VAT1L: variants seen among roughly 807,000 people sequenced by gnomAD.
VAT1L encodes putative NADPH-dependent quinone oxidoreductase VAT1L.
A neutral mutation model predicts 44.1 loss-of-function variants in VAT1L; 34 were observed. The ratio of observed to expected loss-of-function variants is 0.77; its 90% CI spans 0.59 to 1.03. VAT1L has a LOEUF of 1.03. VAT1L is among the 50% of genes least tolerant of loss of function. VAT1L has a pLI of 0.00. For synonymous variants in VAT1L, 253 were observed against 202.2 expected, an observed-to-expected ratio of 1.25 and a Z score of -2.13; for missense variants, 615 against 538.8, an observed-to-expected ratio of 1.14 and a Z score of -1.40.
At position 77,979,985 on chromosome 16, in the gene VAT1L, A is replaced by T. The variant is rs9711; in HGVS notation, c.*2290A>T. ...GGCTTCTCTGTAATTTAAGCTTGAT[A>T]GAAGTGAACTGAAACATTGTCTAAT... On this transcript the variant is annotated 3_prime_UTR_variant, in exon 9 of 9. Transcript: ENST00000302536. The T allele has an allele frequency of 0.78, 119,099 of 152,624 alleles. 46,983 individuals are homozygous for T. The highest frequency in any genetic ancestry group is 0.84 in the Non-Finnish European group (57,049 of 68,020). 9.5% of individuals were successfully genotyped at this position (152,624 alleles called of 1,614,324 possible).
chr16:77,825,870 A>AAAG (rs2016514480), intron 3 of VAT1L, among the ~76,000 whole-genome samples: 1 of 149,770 alleles, frequency 6.7e-6, no homozygotes, highest in Admixed American at 6.7e-5. Context: ...AAAAAAAAAA[A>AAAG]AAATTAGCCG....
intron 7 of VAT1L, among the ~76,000 whole-genome samples, chr16:77,933,119 T>C (rs773255382): frequency 2.0e-5 from 3 of 152,220 alleles, no homozygotes; most frequent in Non-Finnish European, 4.4e-5. Flanking sequence ...AAGTTCTTAG[T>C]CATTCCAGTG....
chr16:77,789,727 C>G (rs1247374189), intron 1 of VAT1L, among the ~76,000 whole-genome samples: 1 of 152,166 alleles, frequency 6.6e-6, no homozygotes, highest in Non-Finnish European at 1.5e-5. Flanking sequence ...CCCGGAATTC[C>G]TGGTCCCATC....
At chr16:77,926,503 G>C (rs2017670785) in intron 7 of VAT1L, among the ~76,000 whole-genome samples, 2 of 152,068 alleles carry the variant, frequency 1.3e-5, no homozygotes, top group South Asian at 4.2e-4. Context: ...AGAATCGCTT[G>C]AACCTGGGAG....
At chr16:77,929,302 T>C (rs747096864) in intron 7 of VAT1L, among the ~76,000 whole-genome samples, 7 of 152,120 alleles carry the variant, frequency 4.6e-5, no homozygotes, top group Non-Finnish European at 1.0e-4. Context: ...GCAGGGATCA[T>C]TAGTGAAAGA....
chr16:77,862,412 C>T (rs1196369635), intron 3 of VAT1L, among the ~76,000 whole-genome samples: 2 of 151,842 alleles, frequency 1.3e-5, no homozygotes, highest in Admixed American at 6.6e-5. Flanking sequence ...CTCAGGAGTT[C>T]GAGACCAGCC....
chr16:77,810,443 G>C (rs971601672), intron 1 of VAT1L, among the ~76,000 whole-genome samples: 1 of 152,142 alleles, frequency 6.6e-6, no homozygotes, highest in African/African-American at 2.4e-5. Context: ...TGGTAATGGA[G>C]TATAAGGATT....
chr16:77,872,419 A>G lies in VAT1L; in HGVS notation c.723-3951A>G, dbSNP rs185422280. Among the ~76,000 whole-genome samples the G allele has an allele frequency of 2.4e-4, 37 of 152,158 alleles. No individual in the cohort carries two copies. The East Asian group carries it at 6.8e-3, about 28-fold the overall frequency. Reference sequence around the variant, plus strand: ...GTGCCTTCCCTTTGTCACCTGGCCAATTTCTGCTCTGAAAACAGACCTGGG... The same window carrying G: ...GTGCCTTCCCTTTGTCACCTGGCCAGTTTCTGCTCTGAAAACAGACCTGGG... On this transcript the variant is annotated intron_variant, in intron 4 of 8. Transcript: ENST00000302536.
At chr16:77,937,303 G>T (rs1054360651) in intron 7 of VAT1L, among the ~76,000 whole-genome samples, 13 of 152,218 alleles carry the variant, frequency 8.5e-5, no homozygotes, top group African/African-American at 3.1e-4. Flanking sequence ...AAGATGGGCG[G>T]GTGGCCAGAG....
At chr16:77,894,153 C>T (rs140923230) in intron 7 of VAT1L, among the ~76,000 whole-genome samples, 8 of 152,310 alleles carry the variant, frequency 5.3e-5, no homozygotes, top group African/African-American at 1.9e-4. Context: ...GACCAGAACC[C>T]TACAACCCCC....
At chr16:77,930,153 A>T (rs2142501437) in intron 7 of VAT1L, among the ~76,000 whole-genome samples, 1 of 152,034 alleles carries the variant, frequency 6.6e-6, no homozygotes, top group East Asian at 1.9e-4. Context: ...CCCATATTCC[A>T]TGTCTTCCTT....
intron 3 of VAT1L, among the ~76,000 whole-genome samples, chr16:77,848,743 AC>A (rs1467451968): frequency 1.3e-5 from 2 of 152,124 alleles, no homozygotes; most frequent in Non-Finnish European, 2.9e-5. Flanking sequence ...CCCAGAACCT[AC>A]CCAGTATAGG....
At chr16:77,956,191 T>C (rs2142529431) in intron 7 of VAT1L, among the ~76,000 whole-genome samples, 1 of 152,294 alleles carries the variant, frequency 6.6e-6, no homozygotes, top group African/African-American at 2.4e-5. Context: ...ATGTACCCCA[T>C]AAATATACAT....
chr16:77,799,554 TGTGG>T (rs1317767070), intron 1 of VAT1L, among the ~76,000 whole-genome samples: 1 of 111,834 alleles, frequency 8.9e-6, no homozygotes, highest in African/African-American at 3.5e-5. Context: ...TGTGTGTGTG[TGTGG>T]TGTGTATTGG....
At chr16:77,857,154 C>T (rs1597069568) in intron 3 of VAT1L, among the ~76,000 whole-genome samples, 1 of 152,320 alleles carries the variant, frequency 6.6e-6, no homozygotes, top group Non-Finnish European at 1.5e-5. Flanking sequence ...CCATTAAAAA[C>T]AAGCGCATGC....
chr16:77,812,393 T>C (rs1307208577), intron 1 of VAT1L, among the ~76,000 whole-genome samples: 2 of 152,160 alleles, frequency 1.3e-5, no homozygotes, highest in Non-Finnish European at 2.9e-5. Context: ...CTTAAAACTC[T>C]TGATTTTAGT....
At chr16:77,797,708 A>G (rs1040144118) in intron 1 of VAT1L, among the ~76,000 whole-genome samples, 13 of 152,208 alleles carry the variant, frequency 8.5e-5, no homozygotes, top group African/African-American at 3.1e-4. Context: ...TCACCCAGGC[A>G]TGAAGAAATA....
rs1228610209 is a variant in VAT1L at position 77,817,001 on chromosome 16, AGT to A, written c.317_318del (p.Cys106PhefsTer5). On this transcript the variant is annotated frameshift_variant, in exon 2 of 9. Coordinates refer to ENST00000302536, the MANE Select transcript of VAT1L (RefSeq NM_020927.3). LOFTEE classifies it high-confidence loss of function. ...AAGACTCCCCTGGTGCCAGGATTTG[AGT>A]GTTCTGGGATTGTTGAAGCTCTGGG... 6.2e-7 allele frequency: 1 copy of A among 1,613,976 alleles called. No homozygotes were observed. The highest frequency in any genetic ancestry group is 2.2e-5 in the East Asian group (1 of 44,858).
chr16:77,794,112 T>A (rs947299752), intron 1 of VAT1L, among the ~76,000 whole-genome samples: 1 of 151,680 alleles, frequency 6.6e-6, no homozygotes, highest in Non-Finnish European at 1.5e-5. Flanking sequence ...ACAGACACAG[T>A]GACAAAGACA....
Sources: gnomAD v4.1 joint callset for allele counts (sites outside exome capture counted in the v4.1 genomes callset) on GRCh38, gnomAD v4.1.1 for gene constraint, MANE v1.5 for transcripts, NCBI Gene and HGNC (gene_info 2026-07-23, HGNC 2026-07-21) for gene names.